Variants in P2RY8 observed in about 807,000 individuals in gnomAD.
P2RY8 encodes the protein P2Y receptor family member 8.
P2RY8 carries 6 observed loss-of-function variants against 10.0 expected under a neutral mutation model. The observed-to-expected ratio is 0.60, with a 90% CI of 0.33 to 1.19. P2RY8 has a LOEUF of 1.19. Ranked by LOEUF, P2RY8 falls within the 50% of genes most tolerant of loss-of-function variation. The probability of loss-of-function intolerance (pLI) is 0.04; values close to 1 mark genes in which losing one functional copy is unlikely to be tolerated. For synonymous variants in P2RY8, 276 were observed against 252.5 expected (o/e 1.09, Z -0.88); for missense variants, 456 against 542.0 (o/e 0.84, Z 1.58).
chrX:1,485,646 TTA>T (rs1252658073), intron 1 of P2RY8, among the ~76,000 whole-genome samples: 7 of 147,952 alleles, frequency 4.7e-5, no homozygotes, highest in East Asian at 1.9e-4. Flanking sequence ...CATATATTAT[TTA>T]TATATATTAT....
chrX:1,513,256 T>TA (rs1444881404), intron 1 of P2RY8, among the ~76,000 whole-genome samples: 2 of 151,704 alleles, frequency 1.3e-5, no homozygotes, highest in African/African-American at 4.8e-5. Flanking sequence ...CTTTTTTTTT[T>TA]ATCCAGTCTA....
chrX:1,468,393 C>A (rs1194750172), intron 1 of P2RY8, among the ~76,000 whole-genome samples: 3 of 152,216 alleles, frequency 2.0e-5, no homozygotes, highest in African/African-American at 7.2e-5. Context: ...CTCTTGGCAG[C>A]CAGATCTGTT....
intron 1 of P2RY8, among the ~76,000 whole-genome samples, chrX:1,489,857 C>T (rs1450350696): frequency 2.7e-5 from 1 of 37,168 alleles, no homozygotes. Flanking sequence ...AGGGATTCTC[C>T]ACAAATGTGG....
intron 1 of P2RY8, among the ~76,000 whole-genome samples, chrX:1,478,534 A>G (rs1178049742): frequency 1.3e-5 from 2 of 152,014 alleles, no homozygotes; most frequent in Non-Finnish European, 2.9e-5. Flanking sequence ...GCTGGAGTGA[A>G]GTGGCACGAT....
chrX:1,504,707 T>C (rs9803208), intron 1 of P2RY8, among the ~76,000 whole-genome samples: 145,376 of 152,004 alleles, frequency 0.96, 69,858 homozygotes, highest in East Asian at 1. Context: ...CAAAATTAGG[T>C]CGGGTGTTGT....
intron 1 of P2RY8, among the ~76,000 whole-genome samples, chrX:1,484,724 T>TAAAAA (rs1171758279): frequency 0.26 from 4,335 of 16,614 alleles, 1,132 homozygotes; most frequent in Non-Finnish European, 0.37. Flanking sequence ...CAAAACCCTG[T>TAAAAA]AAAAAAAAAA....
intron 1 of P2RY8, among the ~76,000 whole-genome samples, chrX:1,519,520 T>A (rs2092375962): frequency 1.3e-5 from 2 of 151,748 alleles, no homozygotes; most frequent in South Asian, 4.2e-4. Context: ...CCCAGTAATC[T>A]CTCTGGTCCC....
chrX:1,487,880 G>T (rs2092000802), intron 1 of P2RY8, among the ~76,000 whole-genome samples: 2 of 152,300 alleles, frequency 1.3e-5, no homozygotes, highest in Admixed American at 1.3e-4. Context: ...GGAGGCCGAG[G>T]CGGGTGGATC....
chrX:1,466,981 C>T (rs1306773812), intron 1 of P2RY8, among the ~76,000 whole-genome samples: 1 of 98,164 alleles, frequency 1.0e-5, no homozygotes, highest in Non-Finnish European at 2.2e-5. Context: ...AGATGATCCA[C>T]AGTGGGGCTG....
At chrX:1,534,275 C>CAT (rs1199097994) in intron 1 of P2RY8, among the ~76,000 whole-genome samples, 25 of 142,838 alleles carry the variant, frequency 1.8e-4, no homozygotes, top group South Asian at 1.1e-3. Flanking sequence ...ATATGTAATA[C>CAT]ATATATATAT....
Position 1,487,256 on chromosome X carries a change from A to C in P2RY8, c.-24-20674T>G, listed in dbSNP as rs768632404. The stretch of plus-strand genomic sequence containing the variant: ...TCCTCCTTGTCTTTCCCGGCCACAC[A>C]GAGCTTCCTTCCTAGCTGCCTGGAG... On this transcript the variant is annotated intron_variant, in intron 1 of 1. Coordinates refer to ENST00000381297, the MANE Select transcript of P2RY8 (RefSeq NM_178129.5). Among the ~76,000 whole-genome samples, 4 of 152,328 alleles carry C rather than the reference A, an allele frequency of 2.6e-5. No individual in the cohort carries two copies. The East Asian group carries it at 7.7e-4, about 29-fold the overall frequency.
At chrX:1,473,340 G>T (rs2091820293) in intron 1 of P2RY8, among the ~76,000 whole-genome samples, 1 of 147,800 alleles carries the variant, frequency 6.8e-6, no homozygotes, top group Non-Finnish European at 1.5e-5. Context: ...ATGCATGGGT[G>T]GATGAATGGT....
intron 1 of P2RY8, among the ~76,000 whole-genome samples, chrX:1,518,844 T>A (rs1220688913): frequency 1.3e-5 from 2 of 152,126 alleles, no homozygotes; most frequent in Non-Finnish European, 2.9e-5. Context: ...TCCCAAAGCC[T>A]GTCTAATTTC....
rs139733276 is a variant in P2RY8 at position 1,534,510 on chromosome X, C to G, written c.-25+2411G>C. On this transcript the variant is annotated intron_variant, in intron 1 of 1. Coordinates refer to ENST00000381297, the MANE Select transcript of P2RY8 (RefSeq NM_178129.5). ...TCTCCCAGGGGCCGTGCAGAATCTC[C>G]TAACCCGAGAGAGGAAGAGCAGGGT... Among the ~76,000 whole-genome samples, 156 of 152,130 alleles carry G rather than the reference C, an allele frequency of 1.0e-3. 1 individual carries two copies. The highest frequency in any genetic ancestry group is 3.7e-3 in the African/African-American group (152 of 41,510).
intron 1 of P2RY8, among the ~76,000 whole-genome samples, chrX:1,529,905 C>T (rs765981020): frequency 1.3e-5 from 2 of 151,690 alleles, no homozygotes; most frequent in African/African-American, 2.4e-5. Flanking sequence ...TTCTGGTTGT[C>T]GCAACTGTGG....
chrX:1,484,722 T>A, intron 1 of P2RY8, among the ~76,000 whole-genome samples: 1 of 6,644 alleles, frequency 1.5e-4, no homozygotes, highest in African/African-American at 3.0e-4. Context: ...AGCAAAACCC[T>A]GTAAAAAAAA....
At chrX:1,482,449 A>G (rs1463337404) in intron 1 of P2RY8, among the ~76,000 whole-genome samples, 2 of 152,110 alleles carry the variant, frequency 1.3e-5, no homozygotes, top group African/African-American at 4.8e-5. Context: ...AGACAGATTC[A>G]TTTAACAGAT....
intron 1 of P2RY8, among the ~76,000 whole-genome samples, chrX:1,501,445 T>G (rs1485587236): frequency 6.6e-6 from 1 of 151,994 alleles, no homozygotes; most frequent in Non-Finnish European, 1.5e-5. Flanking sequence ...CACTGCAACC[T>G]CAACTTCCTG....
intron 1 of P2RY8, among the ~76,000 whole-genome samples, chrX:1,510,290 C>T (rs2092289717): frequency 6.6e-6 from 1 of 152,182 alleles, no homozygotes; most frequent in African/African-American, 2.4e-5. Flanking sequence ...GGACTCACTA[C>T]TCTGGGAGAG....
Sources: allele counts gnomAD v4.1 joint callset (sites outside exome capture counted in the v4.1 genomes callset), GRCh38; gene constraint gnomAD v4.1.1; transcripts MANE v1.5; gene names NCBI Gene and HGNC (gene_info 2026-07-23, HGNC 2026-07-21).